The following ARHGEF12 variants were observed in gnomAD, a reference collection of about 807,000 sequenced individuals.
ARHGEF12 encodes the protein KMT2A/ARHGEF12 fusion protein.
Under a neutral mutation model 211.2 loss-of-function variants are expected in ARHGEF12, and 66 were observed. That is an observed-to-expected ratio of 0.31 (90% confidence interval 0.26 to 0.38). ARHGEF12 has a LOEUF of 0.38. Ranked by LOEUF, ARHGEF12 falls within the 10% of genes least tolerant of loss-of-function variation. The pLI is 1.00. For synonymous variants in ARHGEF12, 592 were observed against 638.4 expected (o/e 0.93, Z 1.09); for missense variants, 1,429 against 1,869.5 (o/e 0.76, Z 4.34).
In ARHGEF12 at chr11:120,449,320, A is replaced by G. The variant is rs368411847; in HGVS notation, c.1843+106A>G. Reference sequence around the variant, plus strand: ...TCTGGAGAAAGGAGTTGTTAGGATGATTTTACTGAATTCCCAATATGCCTT... The same window carrying G: ...TCTGGAGAAAGGAGTTGTTAGGATGGTTTTACTGAATTCCCAATATGCCTT... On this transcript the variant is annotated intron_variant, in intron 21 of 40. Transcript: ENST00000397843. 14 of 851,072 alleles carry G rather than the reference A, an allele frequency of 1.6e-5. No individual in the cohort carries two copies. The African/African-American group carries it at 2.2e-4, about 14-fold the overall frequency. The allele number at this position is 851,072 out of a possible 1,614,324, so 52.7% of individuals were successfully genotyped here.
Position 120,477,419 on chromosome 11 carries a change from GTTTTTTTTTT to G in ARHGEF12, c.3453-18_3453-9del, listed in dbSNP as rs371114939. 1 of 1,077,760 alleles carries G rather than the reference GTTTTTTTTTT, an allele frequency of 9.3e-7. No homozygotes were observed. The highest frequency in any genetic ancestry group is 1.8e-5 in the African/African-American group (1 of 56,938). The allele number at this position is 1,077,760 out of a possible 1,614,324, so 66.8% of individuals were successfully genotyped here. ...GTTTAGATACCTCAGGAAGGTAAAA[GTTTTTTTTTT>G]TTTTTTTTTCTCTACAGAGGAGATA... On this transcript the variant is annotated intron_variant, in intron 35 of 40. Transcript: ENST00000397843.
chr11:120,392,228 A>G (rs1453669102), intron 1 of ARHGEF12, among the ~76,000 whole-genome samples: 1 of 152,120 alleles, frequency 6.6e-6, no homozygotes, highest in South Asian at 2.1e-4. Flanking sequence ...CTTTACCTGT[A>G]ATTCTGTGGC....
At chr11:120,345,883 T>C (rs1942705019) in intron 1 of ARHGEF12, among the ~76,000 whole-genome samples, 1 of 152,110 alleles carries the variant, frequency 6.6e-6, no homozygotes, top group Admixed American at 6.5e-5. Flanking sequence ...TTATTCATTT[T>C]TAAGTAATTA....
chr11:120,449,054 C>T (rs981675424), intron 20 of ARHGEF12, 55 bp from the exon 21 acceptor site: 78 of 1,473,754 alleles, frequency 5.3e-5, no homozygotes, highest in Middle Eastern at 2.0e-4. Flanking sequence ...CTATGAAAAT[C>T]GCAAAAGAAA....
intron 6 of ARHGEF12, 58 bp downstream of exon 6, chr11:120,421,910 C>A: frequency 1.5e-6 from 2 of 1,333,396 alleles, no homozygotes; most frequent in South Asian, 2.6e-5. Context: ...ATATATTGGT[C>A]ATATTCTGAT....
intron 4 of ARHGEF12, among the ~76,000 whole-genome samples, chr11:120,413,192 T>C (rs115634189): frequency 0.013 from 2,008 of 152,302 alleles, 54 homozygotes; most frequent in African/African-American, 0.046. Context: ...CAAAACATGT[T>C]TTGGCATTCT....
chr11:120,462,265 G>A (rs992401955), intron 27 of ARHGEF12, among the ~76,000 whole-genome samples: 11 of 152,164 alleles, frequency 7.2e-5, no homozygotes, highest in African/African-American at 2.7e-4. Flanking sequence ...CCCAAGGAAA[G>A]GGAAGAGAGT....
At chr11:120,467,373 A>G in intron 29 of ARHGEF12, 65 bp downstream of exon 29, 1 of 942,060 alleles carries the variant, frequency 1.1e-6, no homozygotes, top group Non-Finnish European at 1.7e-6. Flanking sequence ...AATATCCTGT[A>G]AATAATATCT....
intron 4 of ARHGEF12, chr11:120,409,900 A>T (rs1944830424): frequency 6.6e-6 from 1 of 152,440 alleles, no homozygotes; most frequent in African/African-American, 2.4e-5. Flanking sequence ...GTTCTTTGGA[A>T]TTTTTATTTC....
chr11:120,337,600 G>A, intron 1 of ARHGEF12: 1 of 985,392 alleles, frequency 1.0e-6, no homozygotes, highest in Non-Finnish European at 1.2e-6. Context: ...TTAGGTGAAG[G>A]TCGGTGCCTG....
intron 27 of ARHGEF12, chr11:120,463,670 C>T (rs1182506266): frequency 1.3e-5 from 2 of 152,022 alleles, no homozygotes; most frequent in African/African-American, 4.8e-5. Context: ...TGCCAGTCTC[C>T]TTGTTAAACA....
At chr11:120,379,647 T>C (rs1251853631) in intron 1 of ARHGEF12, among the ~76,000 whole-genome samples, 1 of 152,070 alleles carries the variant, frequency 6.6e-6, no homozygotes, top group Admixed American at 6.5e-5. Context: ...GATGATCATA[T>C]GGCTTTTCTG....
intron 11 of ARHGEF12, among the ~76,000 whole-genome samples, chr11:120,433,883 G>A (rs1945618752): frequency 6.6e-6 from 1 of 152,106 alleles, no homozygotes; most frequent in Non-Finnish European, 1.5e-5. Context: ...GCTTGAACCA[G>A]GGAGGCGGAG....
chr11:120,374,610 G>C (rs1943675366), intron 1 of ARHGEF12, among the ~76,000 whole-genome samples: 1 of 152,118 alleles, frequency 6.6e-6, no homozygotes, highest in African/African-American at 2.4e-5. Context: ...TGTGATAAAA[G>C]TGATTTTACT....
chr11:120,424,293 G>T (rs1004424277), intron 6 of ARHGEF12, 65 bp from the exon 7 acceptor site: 2 of 1,110,482 alleles, frequency 1.8e-6, no homozygotes, highest in South Asian at 1.4e-5. Flanking sequence ...GATAATTCTT[G>T]AAGTCATTTT....
chr11:120,397,549 G>T (rs527809458), intron 1 of ARHGEF12, among the ~76,000 whole-genome samples: 1 of 152,142 alleles, frequency 6.6e-6, no homozygotes, highest in South Asian at 2.1e-4. Context: ...TTACAAAAGG[G>T]AACTTCTTAA....
chr11:120,482,833 AG>A (rs1446664692), intron 39 of ARHGEF12, among the ~76,000 whole-genome samples: 1 of 151,900 alleles, frequency 6.6e-6, no homozygotes, highest in Non-Finnish European at 1.5e-5. Context: ...CAGAGACTTG[AG>A]GGGTAGATTT....
At chr11:120,356,932 AAGAG>A (rs1320781129) in intron 1 of ARHGEF12, among the ~76,000 whole-genome samples, 4 of 152,212 alleles carry the variant, frequency 2.6e-5, no homozygotes, top group African/African-American at 4.8e-5. Flanking sequence ...CAGGTGAAGA[AAGAG>A]AAAGTTTAAG....
chr11:120,351,100 A>C (rs1299760942), intron 1 of ARHGEF12, among the ~76,000 whole-genome samples: 2 of 152,040 alleles, frequency 1.3e-5, no homozygotes, highest in African/African-American at 4.8e-5. Context: ...CTATAATCCC[A>C]GCACTTTGGG....
Sources: allele counts gnomAD v4.1 joint callset (sites outside exome capture counted in the v4.1 genomes callset), GRCh38; gene constraint gnomAD v4.1.1; transcripts MANE v1.5; gene names NCBI Gene and HGNC (gene_info 2026-07-23, HGNC 2026-07-21).